KIAA0513: variants seen among roughly 807,000 people sequenced by gnomAD.
KIAA0513 encodes the protein KIAA0513, also known as uncharacterized protein KIAA0513.
In KIAA0513, 39 loss-of-function variants were observed where a neutral mutation model predicts 56.5. That is an observed-to-expected ratio of 0.69 (90% CI 0.53 to 0.90). KIAA0513 has a LOEUF of 0.90. Among genes scored for constraint, KIAA0513 ranks in the 40% least tolerant of loss-of-function variants. The pLI, the probability that KIAA0513 is intolerant of heterozygous loss-of-function variation, is 0.00. For synonymous variants in KIAA0513, 268 were observed against 215.6 expected (o/e 1.24, Z -2.13); for missense variants, 591 against 535.2 (o/e 1.10, Z -1.03).
chr16:85,077,515 A>C lies in KIAA0513; in HGVS notation c.665A>C (p.Glu222Ala). 1 of 1,614,182 alleles carries C rather than the reference A, an allele frequency of 6.2e-7. No homozygotes were observed. Among genetic ancestry groups the C allele is most frequent in the Non-Finnish European group, 8.5e-7 (1 of 1,180,026 alleles). The change falls in exon 6 of 13, where the codon GAA becomes GCA. Residue 222 changes from glutamate (E) to alanine (A), a missense_variant. Physicochemically the swap from Glu to Ala is moderately radical, Grantham distance 107. Transcript: ENST00000683363. ...AAATCCGCAAACAGCTGGCTGGCCG[A>C]AAAGAAGGACATCGCCGAGCGGCTG... ...YLKSANSWLA[E>A]KKDIAERLLK...
intron 1 of KIAA0513, among the ~76,000 whole-genome samples, chr16:85,061,826 G>A (rs558572450): frequency 2.6e-5 from 4 of 152,164 alleles, no homozygotes. Context: ...GGGAAGTGGG[G>A]CGGAAGGGGT....
Position 85,081,475 on chromosome 16 carries a change from C to G in KIAA0513, c.980+83C>G. On this transcript the variant is annotated intron_variant, in intron 9 of 12. Coordinates refer to ENST00000683363, the MANE Select transcript of KIAA0513 (RefSeq NM_001388359.1). This position sits in a 1 kb window ranked among gnomAD's most constrained non-coding sequence, Gnocchi z 4.4. Reference sequence around the variant, plus strand: ...ATTTCCCGGTTTCGGAAGAGGAGAGCAGAAGAGCAGCTGAGTGGACGTGTC... The same window carrying G: ...ATTTCCCGGTTTCGGAAGAGGAGAGGAGAAGAGCAGCTGAGTGGACGTGTC... 1 of 1,217,502 alleles carries G rather than the reference C, an allele frequency of 8.2e-7. No individual in the cohort carries two copies. 75.4% of individuals were successfully genotyped at this position (1,217,502 alleles called of 1,614,324 possible).
chr16:85,046,459 C>T (rs1443592004), intron 1 of KIAA0513, among the ~76,000 whole-genome samples: 1 of 152,212 alleles, frequency 6.6e-6, no homozygotes, highest in South Asian at 2.1e-4. Context: ...AAGCGTCAGC[C>T]CAGCGGAGGC....
At chr16:85,037,099 T>A (rs1180689872) in intron 1 of KIAA0513, among the ~76,000 whole-genome samples, 1 of 152,096 alleles carries the variant, frequency 6.6e-6, no homozygotes, top group Admixed American at 6.5e-5. Flanking sequence ...TATTTTTTTC[T>A]CTTCATGACT....
At chr16:85,063,058 G>A (rs1209803775) in intron 1 of KIAA0513, among the ~76,000 whole-genome samples, 4 of 152,090 alleles carry the variant, frequency 2.6e-5, no homozygotes, top group African/African-American at 7.2e-5. Context: ...CACAGCTATC[G>A]GCGTGCAGGA....
intron 1 of KIAA0513, among the ~76,000 whole-genome samples, chr16:85,054,391 ATC>A (rs572500224): frequency 2.4e-3 from 351 of 149,328 alleles, no homozygotes; most frequent in African/African-American, 7.9e-3. Context: ...TGCCATTGAA[ATC>A]TGTGTTTCTT....
Position 85,088,345 on chromosome 16 carries a change from G to A in KIAA0513, c.*20G>A, listed in dbSNP as rs375522461. The A allele has an allele frequency of 7.9e-5, 126 of 1,604,482 alleles. No homozygotes were observed. Among genetic ancestry groups the A allele is most frequent in the African/African-American group, 7.6e-4 (57 of 75,014 alleles). The stretch of plus-strand genomic sequence containing the variant: ...GAGTAGGCCCCAGAGGTCGCACTCC[G>A]CAGGAGGACTGAGGCCATGTGCCAT... On this transcript the variant is annotated 3_prime_UTR_variant, in exon 13 of 13. Coordinates refer to ENST00000683363, the MANE Select transcript of KIAA0513 (RefSeq NM_001388359.1).
chr16:85,037,530 TAA>T (rs2073051298), intron 1 of KIAA0513, among the ~76,000 whole-genome samples: 1 of 152,180 alleles, frequency 6.6e-6, no homozygotes, highest in Admixed American at 6.5e-5. Flanking sequence ...ATGTCAAACC[TAA>T]GACTGCCTCC....
At chr16:85,086,592 G>A (rs1022711169) in intron 10 of KIAA0513, 52 bp from the exon 11 acceptor site, 180 of 1,553,822 alleles carry the variant, frequency 1.2e-4, no homozygotes, top group East Asian at 9.2e-5. Flanking sequence ...GAGGAGCTGG[G>A]GCAAGGACAG....
At chr16:85,064,309 T>A (rs560589755) in intron 1 of KIAA0513, among the ~76,000 whole-genome samples, 1 of 152,128 alleles carries the variant, frequency 6.6e-6, no homozygotes, top group South Asian at 2.1e-4. Flanking sequence ...CCTGGCCCGT[T>A]TTACTATATT....
chr16:85,084,250 C>CTT (rs57226779), intron 10 of KIAA0513, among the ~76,000 whole-genome samples: 8,417 of 132,298 alleles, frequency 0.064, 442 homozygotes, highest in East Asian at 0.26. Context: ...TTTTCTTTTT[C>CTT]TTTTTTTTTT....
At chr16:85,070,224 A>T (rs1056306209) in intron 2 of KIAA0513, among the ~76,000 whole-genome samples, 5 of 151,900 alleles carry the variant, frequency 3.3e-5, no homozygotes, top group Admixed American at 3.3e-4. Context: ...TGCAGAGTCC[A>T]TTGTTTCCAC....
In KIAA0513 at chr16:85,081,261, C is replaced by T. The variant is rs945929865; in HGVS notation, c.903-54C>T. The T allele has an allele frequency of 5.8e-6, 9 of 1,542,218 alleles. No homozygotes were observed. Among genetic ancestry groups the T allele is most frequent in the Admixed American group, 1.7e-5 (1 of 59,878 alleles). ...TTTATCCCTCAAGGGGCCCACAACC[C>T]GTGTCCTCCCCGCCTCCCCTTGGAG... On this transcript the variant is annotated intron_variant, in intron 8 of 12. Transcript: ENST00000683363. This position sits in a 1 kb window ranked among gnomAD's most constrained non-coding sequence, Gnocchi z 4.4.
At chr16:85,054,813 G>A (rs1012744892) in intron 1 of KIAA0513, among the ~76,000 whole-genome samples, 2 of 152,122 alleles carry the variant, frequency 1.3e-5, no homozygotes, top group Non-Finnish European at 2.9e-5. Flanking sequence ...CTTTGGGGAG[G>A]CCTAAAGGGG....
chr16:85,086,634 G>A lies in KIAA0513; in HGVS notation c.1011-10G>A. On this transcript the variant is annotated splice_polypyrimidine_tract_variant and intron_variant, in intron 10 of 12. Coordinates refer to ENST00000683363, the MANE Select transcript of KIAA0513 (RefSeq NM_001388359.1). The stretch of plus-strand genomic sequence containing the variant: ...CTGAGCCCCGCTTCTGTCACCTCCT[G>A]TGCTTGCAGGGAGAAGTGGTGCCAC... 2 of 1,613,252 alleles carry A rather than the reference G, an allele frequency of 1.2e-6. No homozygotes were observed.
intron 1 of KIAA0513, among the ~76,000 whole-genome samples, chr16:85,032,994 G>A (rs2072986776): frequency 6.6e-6 from 1 of 152,052 alleles, no homozygotes; most frequent in Non-Finnish European, 1.5e-5. Context: ...CATATCTTTT[G>A]GGTCCAGGGG....
chr16:85,062,211 A>AACACAC (rs5818523), intron 1 of KIAA0513, among the ~76,000 whole-genome samples: 168 of 149,380 alleles, frequency 1.1e-3, no homozygotes, highest in African/African-American at 3.2e-3. Flanking sequence ...TACGTACGTA[A>AACACAC]ACACACACAC....
In KIAA0513 at chr16:85,091,284, C is replaced by T. The variant is rs1315809785; in HGVS notation, c.*2959C>T. The stretch of plus-strand genomic sequence containing the variant: ...ACAGGCAGCATGGTATGTTTTTAGC[C>T]TTTGTTACAGTTTTAGCAACATTGA... On this transcript the variant is annotated 3_prime_UTR_variant, in exon 13 of 13. Coordinates refer to ENST00000683363, the MANE Select transcript of KIAA0513 (RefSeq NM_001388359.1). 6.6e-6 allele frequency: 1 copy of T among 152,234 alleles called. No homozygotes were observed. Among genetic ancestry groups the T allele is most frequent in the Non-Finnish European group, 1.5e-5 (1 of 68,044 alleles). 9.4% of individuals were successfully genotyped at this position (152,234 alleles called of 1,614,324 possible).
rs1324330595 is a variant in KIAA0513, at chr16:85,086,714, G to C, written c.1081G>C (p.Gly361Arg). The C allele has an allele frequency of 7.4e-6, 12 of 1,613,132 alleles. No homozygotes were observed. The highest frequency in any genetic ancestry group is 1.3e-5 in the African/African-American group (1 of 74,856). ...SLRFNENITF[G>R]QLGTFTHNML... Reference sequence around the variant, plus strand: ...CCGGTTCAACGAGAACATCACCTTCGGGCAGCTGGGGTAAGGGCCAGAGTG... The same window carrying C: ...CCGGTTCAACGAGAACATCACCTTCCGGCAGCTGGGGTAAGGGCCAGAGTG... The change falls in exon 11 of 13, where the codon GGG becomes CGG. Residue 361 changes from glycine to arginine, a missense_variant. By Grantham distance (125) the Gly-to-Arg change is moderately radical. Transcript: ENST00000683363.
Sources: gnomAD v4.1 joint callset for allele counts (sites outside exome capture counted in the v4.1 genomes callset) on GRCh38, gnomAD v4.1.1 for gene constraint, Gnocchi (gnomAD v3.1) non-coding constraint, MANE v1.5 for transcripts, NCBI Gene and HGNC (gene_info 2026-07-23, HGNC 2026-07-21) for gene names.